Variants in CCDC149 observed in about 807,000 individuals in gnomAD.
CCDC149 encodes the protein coiled-coil domain-containing protein 149.
CCDC149 carries 45 observed loss-of-function variants against 59.9 expected under a neutral mutation model. The ratio of observed to expected loss-of-function variants is 0.75; its 90% CI spans 0.59 to 0.96. The LOEUF (loss-of-function observed/expected upper bound fraction) is 0.96, where lower values mean the gene tolerates loss of function less well. CCDC149 is among the 40% of genes least tolerant of loss of function. The pLI, the probability that CCDC149 is intolerant of heterozygous loss-of-function variation, is 0.00. For missense variants in CCDC149, 584 were observed against 664.7 expected, an observed-to-expected ratio of 0.88 and a Z score of 1.33; for synonymous variants, 245 against 260.6, an observed-to-expected ratio of 0.94 and a Z score of 0.58.
chr4:24,884,336 G>A (rs558949334), intron 1 of CCDC149, among the ~76,000 whole-genome samples: 1 of 152,324 alleles, frequency 6.6e-6, no homozygotes, highest in South Asian at 2.1e-4. Context: ...TAGCCCAGAA[G>A]TAACAAGCCA....
chr4:24,902,314 T>G (rs1380792336), intron 1 of CCDC149, among the ~76,000 whole-genome samples: 1 of 152,198 alleles, frequency 6.6e-6, no homozygotes, highest in South Asian at 2.1e-4. Flanking sequence ...TTGAATTCAG[T>G]GGAAACCAAC....
At chr4:24,886,999 T>G (rs1560238083) in intron 1 of CCDC149, among the ~76,000 whole-genome samples, 1 of 152,102 alleles carries the variant, frequency 6.6e-6, no homozygotes, top group Non-Finnish European at 1.5e-5. Flanking sequence ...CAATTACATT[T>G]TTAAAGCAGA....
intron 1 of CCDC149, among the ~76,000 whole-genome samples, chr4:24,971,352 G>T (rs1391064535): frequency 1.3e-5 from 2 of 152,180 alleles, no homozygotes; most frequent in East Asian, 3.9e-4. Flanking sequence ...CGGCCTGGGA[G>T]GTGGAGTATG....
At chr4:24,854,656 G>T (rs1289427556) in intron 3 of CCDC149, among the ~76,000 whole-genome samples, 2 of 152,126 alleles carry the variant, frequency 1.3e-5, no homozygotes, top group Non-Finnish European at 2.9e-5. Context: ...TAACTATGGT[G>T]GGTACTAAAA....
chr4:24,858,028 C>CA lies in CCDC149; in HGVS notation c.265-4850dup, dbSNP rs929250022. 4.5e-3 allele frequency among the ~76,000 whole-genome samples: 680 copies of CA among 151,670 alleles called. 9 individuals are homozygous for CA. The highest frequency in any genetic ancestry group is 0.014 in the African/African-American group (580 of 41,376). On this transcript the variant is annotated intron_variant, in intron 3 of 12. Transcript: ENST00000635206. Reference sequence around the variant, plus strand: ...CCTTGACATACACCTTAAAGAACAGCAAAAAAAAAAGAAAGTAGTACATTT... The same window carrying CA: ...CCTTGACATACACCTTAAAGAACAGCAAAAAAAAAAAGAAAGTAGTACATTT...
At chr4:24,862,358 C>T (rs1453936570) in intron 3 of CCDC149, among the ~76,000 whole-genome samples, 5 of 152,130 alleles carry the variant, frequency 3.3e-5, no homozygotes, top group East Asian at 1.9e-4. Flanking sequence ...ACTTTGAGGC[C>T]GCCTCTGGAT....
chr4:24,808,442 C>T lies in CCDC149; in HGVS notation c.1570G>A (p.Asp524Asn), dbSNP rs1265599969. 6.8e-6 allele frequency: 10 copies of T among 1,463,358 alleles called. No individual in the cohort carries two copies. Among genetic ancestry groups the T allele is most frequent in the Non-Finnish European group, 9.0e-6 (10 of 1,107,236 alleles). 90.6% of individuals were successfully genotyped at this position (1,463,358 alleles called of 1,614,324 possible). ...CCGCCCTCTGGGATCCCTTTGCCGT[C>T]TTCCGGTGTGGAAGCTTTGGCTGCT... The change falls in exon 13 of 13, where the codon GAC becomes AAC. Residue 524 changes from aspartate to asparagine, a missense_variant. Coordinates refer to ENST00000635206, the MANE Select transcript of CCDC149 (RefSeq NM_001330643.2).
chr4:24,836,966 G>A (rs1716577465), intron 6 of CCDC149, among the ~76,000 whole-genome samples: 1 of 152,176 alleles, frequency 6.6e-6, no homozygotes, highest in African/African-American at 2.4e-5. Context: ...ACTCTCATGG[G>A]TTCCTCGCCC....
Position 24,857,860 on chromosome 4 carries a change from G to A in CCDC149, c.265-4681C>T, listed in dbSNP as rs111920563. 8.9e-4 allele frequency among the ~76,000 whole-genome samples: 136 copies of A among 152,262 alleles called. 1 individual carries two copies. Among genetic ancestry groups the A allele is most frequent in the African/African-American group, 3.2e-3 (131 of 41,544 alleles). ...GGGTGGCACCACTGCTTCAAAGCAG[G>A]TGACTGTAATTTTCTTTTACCTTTA... On this transcript the variant is annotated intron_variant, in intron 3 of 12. Transcript: ENST00000635206.
intron 1 of CCDC149, among the ~76,000 whole-genome samples, chr4:24,905,519 T>C (rs1721446219): frequency 6.7e-6 from 1 of 149,106 alleles, no homozygotes; most frequent in South Asian, 2.3e-4. Context: ...CACTACAACC[T>C]CCACCTACTG....
chr4:24,804,392 G>A (rs959182142), downstream of CCDC149, among the ~76,000 whole-genome samples: 2 of 150,928 alleles, frequency 1.3e-5, no homozygotes, highest in Non-Finnish European at 2.9e-5. Context: ...TCGGGAGGCT[G>A]AGGCAGGAGA....
chr4:24,948,082 C>T (rs994563712), intron 1 of CCDC149, among the ~76,000 whole-genome samples: 5 of 152,126 alleles, frequency 3.3e-5, no homozygotes, highest in South Asian at 2.1e-4. Context: ...AATTCACAGG[C>T]GTAGGAGTGG....
chr4:24,944,295 A>G (rs1723039259), intron 1 of CCDC149, among the ~76,000 whole-genome samples: 1 of 152,112 alleles, frequency 6.6e-6, no homozygotes, highest in African/African-American at 2.4e-5. Context: ...AAACTATCGC[A>G]AGGACTAAAA....
chr4:24,954,573 C>T (rs2109357266), intron 1 of CCDC149, among the ~76,000 whole-genome samples: 2 of 152,346 alleles, frequency 1.3e-5, no homozygotes, highest in East Asian at 3.9e-4. Flanking sequence ...TGAGTGGTGG[C>T]TTGAGCTGCA....
intron 7 of CCDC149, among the ~76,000 whole-genome samples, chr4:24,836,057 C>A (rs568343044): frequency 6.6e-6 from 1 of 152,106 alleles, no homozygotes; most frequent in Non-Finnish European, 1.5e-5. Context: ...TGGGTGATTA[C>A]GACAGAAATA....
At chr4:24,902,915 T>G (rs1157862445) in intron 1 of CCDC149, among the ~76,000 whole-genome samples, 1 of 144,400 alleles carries the variant, frequency 6.9e-6, no homozygotes, top group African/African-American at 2.6e-5. Context: ...GTCTCAGCTA[T>G]TCAGGAGGCT....
chr4:24,881,018 C>T (rs1454440485), intron 1 of CCDC149, among the ~76,000 whole-genome samples: 2 of 152,180 alleles, frequency 1.3e-5, no homozygotes, highest in African/African-American at 4.8e-5. Flanking sequence ...AGGTACGACT[C>T]ACTTTGAGCA....
intron 1 of CCDC149, among the ~76,000 whole-genome samples, chr4:24,963,632 C>A (rs1723711792): frequency 6.6e-6 from 1 of 152,178 alleles, no homozygotes; most frequent in African/African-American, 2.4e-5. Context: ...AAGTCAATGT[C>A]TCACTTTTTC....
Position 24,894,991 on chromosome 4 carries a change from C to T in CCDC149, c.63+17826G>A. The T allele has an allele frequency of 6.5e-7, 1 of 1,536,176 alleles. No individual in the cohort carries two copies. The stretch of plus-strand genomic sequence containing the variant: ...CCCATGCAGGCATGGTTTGTCAATA[C>T]CTCAGAATCCCAAGTGGCCGCTCTG... On this transcript the variant is annotated intron_variant, in intron 1 of 12. Coordinates refer to ENST00000635206, the MANE Select transcript of CCDC149 (RefSeq NM_001330643.2).
Sources: gnomAD v4.1 joint callset for allele counts (sites outside exome capture counted in the v4.1 genomes callset) on GRCh38, gnomAD v4.1.1 for gene constraint, MANE v1.5 for transcripts, NCBI Gene and HGNC (gene_info 2026-07-23, HGNC 2026-07-21) for gene names.